Variants in GLRA2 observed in about 807,000 individuals in gnomAD.
GLRA2 encodes the protein glycine receptor alpha 2.
A neutral mutation model predicts 31.6 loss-of-function variants in GLRA2; 11 were observed. The ratio of observed to expected loss-of-function variants is 0.35; its 90% CI spans 0.22 to 0.58. The LOEUF (loss-of-function observed/expected upper bound fraction) is 0.58. Among genes scored for constraint, GLRA2 ranks in the 20% least tolerant of loss-of-function variants. The probability of loss-of-function intolerance (pLI) is 0.84; values close to 1 mark genes in which losing one functional copy is unlikely to be tolerated. For synonymous variants in GLRA2, 132 were observed against 134.0 expected, an observed-to-expected ratio of 0.99 and a Z score of 0.10; for missense variants, 212 against 351.8, an observed-to-expected ratio of 0.60 and a Z score of 3.18.
At chrX:14,651,792 C>A (rs183087844) in intron 7 of GLRA2, among the ~76,000 whole-genome samples, 1 of 111,549 alleles carries the variant, frequency 9.0e-6, no homozygotes, top group Non-Finnish European at 1.9e-5. Context: ...ATCCAGATAT[C>A]CCCCAGTAAA....
At chrX:14,458,664 T>A in the GLRA2 span, among the ~76,000 whole-genome samples, 1 of 112,554 alleles carries the variant, frequency 8.9e-6, no homozygotes, top group East Asian at 2.8e-4. Flanking sequence ...GCTGCATAAA[T>A]GTCTTCTTTT....
At chrX:14,510,974 ATG>A in the GLRA2 span, among the ~76,000 whole-genome samples, 3 of 110,801 alleles carry the variant, frequency 2.7e-5, no homozygotes, top group African/African-American at 9.8e-5. Flanking sequence ...CATGTGCACA[ATG>A]TGCAGGTTAG....
Position 14,568,505 on chromosome X carries a change from CA to C in GLRA2, c.203-5826del. ...GTCAGGAGTTCGAGACCAACCTGAC[CA>C]ACATGGTGAAACCCCATCTTTACTA... On this transcript the variant is annotated intron_variant, in intron 2 of 8. Transcript: ENST00000218075. Among the ~76,000 whole-genome samples, 4 of 109,736 alleles carry C rather than the reference CA, an allele frequency of 3.6e-5. 1 individual carries two copies. The South Asian group carries it at 1.6e-3, about 44-fold the overall frequency.
rs964276490 is a variant in GLRA2 at position 14,690,727 on chromosome X, G to T, written c.948G>T (p.Ala316=). 1 of 1,197,414 alleles carries T rather than the reference G, an allele frequency of 8.4e-7. No individual in the cohort carries two copies. Among genetic ancestry groups the T allele is most frequent in the Non-Finnish European group, 1.1e-6 (1 of 883,265 alleles). Residue 316 remains alanine, a synonymous_variant, in exon 8 of 9, where the codon GCG becomes GCT. Coordinates refer to ENST00000218075, the MANE Select transcript of GLRA2 (RefSeq NM_002063.4). The part of the protein sequence containing the change: ...ASLPKVSYVK[A]IDIWMAVCLL... Reference sequence around the variant, plus strand: ...TCTCTCAGGTCTCCTATGTAAAAGCGATTGACATCTGGATGGCGGTGTGCC... The same window carrying T: ...TCTCTCAGGTCTCCTATGTAAAAGCTATTGACATCTGGATGGCGGTGTGCC...
intron 7 of GLRA2, among the ~76,000 whole-genome samples, chrX:14,667,047 C>A (rs1211945271): frequency 8.9e-6 from 1 of 112,279 alleles, no homozygotes; most frequent in Non-Finnish European, 1.9e-5. Context: ...AAGGAACAGT[C>A]TACGGTGATT....
At chrX:14,482,771 A>C in the GLRA2 span, among the ~76,000 whole-genome samples, 1 of 111,038 alleles carries the variant, frequency 9.0e-6, no homozygotes, top group African/African-American at 3.3e-5. Flanking sequence ...CACCACCATC[A>C]TCATCTTTGT....
chrX:14,689,844 T>C (rs2091324881), intron 7 of GLRA2, among the ~76,000 whole-genome samples: 1 of 112,187 alleles, frequency 8.9e-6, no homozygotes, highest in African/African-American at 3.2e-5. Context: ...AAAATAATTG[T>C]AAGTCGAGTG....
intron 7 of GLRA2, among the ~76,000 whole-genome samples, chrX:14,665,689 C>T (rs2091032237): frequency 8.9e-6 from 1 of 111,845 alleles, no homozygotes; most frequent in Non-Finnish European, 1.9e-5. Flanking sequence ...TGGAGAAAGG[C>T]CTAAGAGATC....
intron 4 of GLRA2, among the ~76,000 whole-genome samples, chrX:14,582,338 T>G (rs1284276772): frequency 9.2e-6 from 1 of 108,450 alleles, no homozygotes; most frequent in Non-Finnish European, 1.9e-5. Context: ...CTTCTTGCGA[T>G]AGTTTACTGA....
intron 2 of GLRA2, among the ~76,000 whole-genome samples, chrX:14,535,076 T>C (rs948902099): frequency 9.0e-6 from 1 of 111,380 alleles, no homozygotes; most frequent in Admixed American, 9.6e-5. Flanking sequence ...ATAAACATGA[T>C]AGTGATGATG....
intron 7 of GLRA2, among the ~76,000 whole-genome samples, chrX:14,689,903 T>C (rs2091325817): frequency 8.9e-6 from 1 of 112,258 alleles, no homozygotes; most frequent in Non-Finnish European, 1.9e-5. Flanking sequence ...GCTTTCAGAA[T>C]CTACTTTGTC....
At chrX:14,571,899 A>G (rs1470146876) in intron 2 of GLRA2, among the ~76,000 whole-genome samples, 1 of 111,629 alleles carries the variant, frequency 9.0e-6, no homozygotes, top group Non-Finnish European at 1.9e-5. Flanking sequence ...AGTGCAACAA[A>G]AAGGTTGAAA....
At chrX:14,501,234 C>T in the GLRA2 span, among the ~76,000 whole-genome samples, 2 of 111,181 alleles carry the variant, frequency 1.8e-5, no homozygotes, top group African/African-American at 6.5e-5. Context: ...TTAATTTCAA[C>T]ACTGTTTTTT....
the GLRA2 span, among the ~76,000 whole-genome samples, chrX:14,455,547 G>A: frequency 1.8e-5 from 2 of 111,569 alleles, no homozygotes; most frequent in African/African-American, 6.5e-5. Flanking sequence ...AAATAAATAA[G>A]CATTTCTTGT....
In GLRA2 at chrX:14,609,296, C is replaced by A. The variant is rs757340055; in HGVS notation, c.930+91C>A. On this transcript the variant is annotated intron_variant, in intron 7 of 8. Coordinates refer to ENST00000218075, the MANE Select transcript of GLRA2 (RefSeq NM_002063.4). ...TCTGTGAGGACAGAAATGTTGGCCA[C>A]CCTATGACACTGTCATAGATATGAA... 24 of 507,280 alleles carry A rather than the reference C, an allele frequency of 4.7e-5. No homozygotes were observed. In the East Asian group the frequency reaches 8.5e-4, roughly 18 times the overall value. The allele number at this position is 507,280 out of a possible 1,213,427, so 41.8% of individuals were successfully genotyped here.
the GLRA2 span, among the ~76,000 whole-genome samples, chrX:14,523,962 C>T: frequency 9.9e-5 from 11 of 111,639 alleles, no homozygotes; most frequent in South Asian, 3.8e-4. Context: ...TTTGCTTGTC[C>T]GTAAGAAGCA....
chrX:14,642,807 G>T (rs1324142235), intron 7 of GLRA2, among the ~76,000 whole-genome samples: 2 of 110,966 alleles, frequency 1.8e-5, no homozygotes, highest in Non-Finnish European at 3.8e-5. Flanking sequence ...ATGGTAGGCA[G>T]ATTTCTAAAA....
At chrX:14,590,975 C>A (rs1369222147) in intron 4 of GLRA2, among the ~76,000 whole-genome samples, 2 of 111,255 alleles carry the variant, frequency 1.8e-5, no homozygotes, top group Non-Finnish European at 3.8e-5. Context: ...TGTGGAGGGG[C>A]TGTTTTTGGA....
intron 7 of GLRA2, among the ~76,000 whole-genome samples, chrX:14,687,510 C>T (rs997740921): frequency 9.9e-5 from 11 of 111,582 alleles, no homozygotes; most frequent in African/African-American, 2.9e-4. Flanking sequence ...TTTCTTTTTA[C>T]TCTTTTTTCT....
Sources: allele counts gnomAD v4.1 joint callset (sites outside exome capture counted in the v4.1 genomes callset), GRCh38; gene constraint gnomAD v4.1.1; transcripts MANE v1.5; gene names NCBI Gene and HGNC (gene_info 2026-07-23, HGNC 2026-07-21).